The following EFCAB3 variants were observed in gnomAD, a reference collection of about 807,000 sequenced individuals.
EFCAB3 encodes the protein EF-hand calcium binding domain 3.
Under a neutral mutation model 42.2 loss-of-function variants are expected in EFCAB3, and 36 were observed. The ratio of observed to expected loss-of-function variants is 0.85; its 90% CI spans 0.65 to 1.13. The LOEUF (loss-of-function observed/expected upper bound fraction) is 1.13, where lower values mean the gene tolerates loss of function less well. Among genes scored for constraint, EFCAB3 ranks in the 50% most tolerant of loss-of-function variants. The pLI, the probability that EFCAB3 is intolerant of heterozygous loss-of-function variation, is 0.00. For synonymous variants in EFCAB3, 170 were observed against 172.8 expected (o/e 0.98, Z 0.13); for missense variants, 418 against 505.1 (o/e 0.83, Z 1.65).
chr17:62,392,169 TTA>T (rs539281310), intron 4 of EFCAB3, among the ~76,000 whole-genome samples: 138 of 149,346 alleles, frequency 9.2e-4, no homozygotes, highest in Middle Eastern at 7.1e-3. Context: ...TATTTGTATA[TTA>T]TATGTTTGTA....
intron 2 of EFCAB3, among the ~76,000 whole-genome samples, chr17:62,374,837 G>T (rs2070138375): frequency 6.6e-6 from 1 of 152,220 alleles, no homozygotes; most frequent in Admixed American, 6.5e-5. Context: ...ATGTTGCAGG[G>T]CATGGTGGCT....
intron 2 of EFCAB3, among the ~76,000 whole-genome samples, chr17:62,387,011 T>C (rs1227806433): frequency 6.6e-6 from 1 of 152,106 alleles, no homozygotes; most frequent in Non-Finnish European, 1.5e-5. Context: ...AAGCTGGTCT[T>C]GAACTCCTGG....
At chr17:62,393,533 A>G (rs2144082022) in intron 4 of EFCAB3, 40 bp from the exon 5 acceptor site, 1 of 1,468,424 alleles carries the variant, frequency 6.8e-7, no homozygotes, top group Non-Finnish European at 9.5e-7. Flanking sequence ...TAATTAAAAT[A>G]CATCTTATCC....
At chr17:62,398,715 A>T (rs2070375632) in intron 6 of EFCAB3, among the ~76,000 whole-genome samples, 1 of 151,898 alleles carries the variant, frequency 6.6e-6, no homozygotes, top group Non-Finnish European at 1.5e-5. Context: ...ACACACACAC[A>T]CACACACATA....
At chr17:62,381,792 G>T (rs765490248) in intron 1 of EFCAB3, 1 of 429,452 alleles carries the variant, frequency 2.3e-6, no homozygotes, top group Non-Finnish European at 4.7e-6. Flanking sequence ...GCTCAACGAG[G>T]TTATCAGTGA....
chr17:62,391,713 T>C, intron 3 of EFCAB3, 109 bp from the exon 4 acceptor site: 1 of 1,189,220 alleles, frequency 8.4e-7, no homozygotes, highest in Non-Finnish European at 1.1e-6. Context: ...TTCGCAATCC[T>C]TTTTTTAGAA....
At chr17:62,378,922 A>AT (rs199909731), upstream of EFCAB3, among the ~76,000 whole-genome samples, 7,149 of 151,842 alleles carry the variant, frequency 0.047, 565 homozygotes, top group African/African-American at 0.16. Flanking sequence ...TTAAAGTATA[A>AT]CAAAAAAAAA....
intron 2 of EFCAB3, among the ~76,000 whole-genome samples, chr17:62,384,212 G>A (rs1435155479): frequency 1.3e-5 from 2 of 152,110 alleles, no homozygotes; most frequent in Non-Finnish European, 2.9e-5. Flanking sequence ...GGCTGGATTG[G>A]GTTCATTCCA....
chr17:62,391,852 A>G lies in EFCAB3; in HGVS notation c.182A>G (p.Lys61Arg). 1 of 1,613,674 alleles carries G rather than the reference A, an allele frequency of 6.2e-7. No individual in the cohort carries two copies. Among genetic ancestry groups the G allele is most frequent in the South Asian group, 1.1e-5 (1 of 91,008 alleles). Residue 61 changes from lysine (K) to arginine (R), a missense_variant, in exon 4 of 10, where the codon AAG becomes AGG. Physicochemically the swap from Lys to Arg is conservative, Grantham distance 26 (BLOSUM62 2). Transcript: ENST00000305286. Reference protein sequence around the residue: ...AFQDAYNFFYKDKTGCIDFHG... With the variant: ...AFQDAYNFFYRDKTGCIDFHG... ...CAAGATGCCTACAACTTCTTCTACA[A>G]GGACAAAACTGGCTGTATTGATTTC... is the stretch of plus-strand genomic sequence containing the variant.
chr17:62,382,837 G>A, intron 1 of EFCAB3, 126 bp from the exon 2 acceptor site: 1 of 695,376 alleles, frequency 1.4e-6, no homozygotes, highest in Non-Finnish European at 2.3e-6. Context: ...ACTTGAGTTT[G>A]CATCTATTAC....
intron 1 of EFCAB3, among the ~76,000 whole-genome samples, chr17:62,382,222 G>A (rs755639422): frequency 4.6e-5 from 7 of 152,256 alleles, no homozygotes; most frequent in Non-Finnish European, 8.8e-5. Context: ...GACTTGAAAT[G>A]CTCTACTGAT....
intron 8 of EFCAB3, among the ~76,000 whole-genome samples, chr17:62,409,156 C>G (rs1238137556): frequency 6.6e-6 from 1 of 152,146 alleles, no homozygotes; most frequent in Non-Finnish European, 1.5e-5. Context: ...TTCCCAGGTT[C>G]AAGCAATTCT....
intron 8 of EFCAB3, among the ~76,000 whole-genome samples, chr17:62,412,181 G>A (rs1490322663): frequency 6.6e-6 from 1 of 151,552 alleles, no homozygotes; most frequent in Non-Finnish European, 1.5e-5. Flanking sequence ...TTCGAGACCA[G>A]CCTGGCCAAC....
At chr17:62,392,047 T>C in intron 4 of EFCAB3, 82 bp downstream of exon 4, 2 of 1,359,696 alleles carry the variant, frequency 1.5e-6, no homozygotes, top group Middle Eastern at 2.0e-4. Context: ...TGTATAAACA[T>C]GAGAAACAAA....
intron 2 of EFCAB3, among the ~76,000 whole-genome samples, chr17:62,385,942 T>A (rs1351644095): frequency 6.6e-6 from 1 of 151,248 alleles, no homozygotes; most frequent in African/African-American, 2.4e-5. Flanking sequence ...TTAGCCAGGA[T>A]GGTCTCGATC....
intron 1 of EFCAB3, chr17:62,373,674 C>A (rs956942876): frequency 1.7e-6 from 1 of 596,808 alleles, no homozygotes; most frequent in Admixed American, 3.4e-5. Flanking sequence ...AAAATGAATC[C>A]AAATTCCAAA....
intron 8 of EFCAB3, among the ~76,000 whole-genome samples, chr17:62,412,322 GC>G (rs1444352726): frequency 7.5e-6 from 1 of 132,530 alleles, no homozygotes; most frequent in Non-Finnish European, 1.5e-5. Context: ...GTTGCAGTGA[GC>G]CAAGATCCCA....
chr17:62,408,609 A>G (rs937712562), intron 8 of EFCAB3, among the ~76,000 whole-genome samples: 1 of 152,244 alleles, frequency 6.6e-6, no homozygotes, highest in Non-Finnish European at 1.5e-5. Context: ...CAGTCACACC[A>G]GTCACATTGC....
Position 62,407,051 on chromosome 17 carries a change from C to T in EFCAB3, c.706C>T (p.Pro236Ser). ...AGGATGCAATTCCGGTTCAGATAGC[C>T]CATATTCAAAAATACCCATCTTTCC... is the stretch of plus-strand genomic sequence containing the variant. ...LKRCNSGSDS[P>S]YSKIPIFPLF... Residue 236 changes from proline (P) to serine (S), a missense_variant, in exon 8 of 10, where the codon CCA (proline) becomes TCA (serine). Transcript: ENST00000305286. The T allele has an allele frequency of 6.3e-7, 1 of 1,592,096 alleles. No individual in the cohort carries two copies. Among genetic ancestry groups the T allele is most frequent in the Non-Finnish European group, 8.5e-7 (1 of 1,173,400 alleles).
Sources: allele counts gnomAD v4.1 joint callset (sites outside exome capture counted in the v4.1 genomes callset), GRCh38; gene constraint gnomAD v4.1.1; transcripts MANE v1.5; gene names NCBI Gene and HGNC (gene_info 2026-07-23, HGNC 2026-07-21).